ZNF646: variants seen among roughly 807,000 people sequenced by gnomAD.
The protein encoded by ZNF646 is zinc finger protein 646.
Under a neutral mutation model 115.4 loss-of-function variants are expected in ZNF646, and 49 were observed. The observed-to-expected ratio is 0.42, with a 90% CI of 0.34 to 0.54. The LOEUF is 0.54. ZNF646 is among the 20% of genes least tolerant of loss of function. The pLI is 0.04. For synonymous variants in ZNF646, 933 were observed against 939.0 expected (o/e 0.99, Z 0.12); for missense variants, 2,269 against 2,457.9 (o/e 0.92, Z 1.62).
In ZNF646 at chr16:31,083,650, GC is replaced by G; in HGVS notation, c.*559del. Reference sequence around the variant, plus strand: ...GGGGAGTGGGCACCTGTGGCCCCAGGCAGGTTCCTTCCCACAGCTGCTGGGC... The same window carrying G: ...GGGGAGTGGGCACCTGTGGCCCCAGGAGGTTCCTTCCCACAGCTGCTGGGC... On this transcript the variant is annotated 3_prime_UTR_variant, in exon 3 of 3. Transcript: ENST00000300850. 6.5e-7 allele frequency: 1 copy of G among 1,539,640 alleles called. No homozygotes were observed. The highest frequency in any genetic ancestry group is 8.8e-7 in the Non-Finnish European group (1 of 1,141,336).
Position 31,076,398 on chromosome 16 carries a change from G to C in ZNF646, c.74G>C (p.Arg25Pro). The C allele has an allele frequency of 6.2e-7, 1 of 1,613,870 alleles. No homozygotes were observed. The highest frequency in any genetic ancestry group is 1.3e-5 in the African/African-American group (1 of 74,952). ...RHFPSLPELSRHRELLHPSPN... is the reference protein window; with the variant it reads ...RHFPSLPELSPHRELLHPSPN... Reference sequence around the variant, plus strand: ...TTTCCCAGCCTCCCAGAGCTCTCTCGGCACCGAGAACTGCTCCATCCATCT... The same window carrying C: ...TTTCCCAGCCTCCCAGAGCTCTCTCCGCACCGAGAACTGCTCCATCCATCT... The change falls in exon 2 of 3, where the codon CGG becomes CCG. Residue 25 changes from arginine to proline, a missense_variant. Physicochemically the swap from Arg to Pro is moderately radical, Grantham distance 103 (BLOSUM62 -2). Transcript: ENST00000300850.
rs2057132797 is a variant in ZNF646, at chr16:31,079,978, C to T, written c.3654C>T (p.Leu1218=). 2 of 1,608,852 alleles carry T rather than the reference C, an allele frequency of 1.2e-6. No individual in the cohort carries two copies. Among genetic ancestry groups the T allele is most frequent in the African/African-American group, 1.3e-5 (1 of 74,844 alleles). The change falls in exon 2 of 3, where the codon CTC becomes CTT. Residue 1218 remains leucine, a synonymous_variant. Coordinates refer to ENST00000300850, the MANE Select transcript of ZNF646 (RefSeq NM_014699.4). The surrounding 1 kb of genome is among the most constrained non-coding windows in gnomAD (Gnocchi z 5.5). ...CGRSYKHAGS[L]INHRQSHQTG... is the part of the protein sequence containing the mutation. ...GATCCTACAAGCACGCCGGCAGCCT[C>T]ATCAACCACCGGCAGAGCCACCAGA... is the stretch of plus-strand genomic sequence containing the variant.
In ZNF646 at chr16:31,083,716, G is replaced by T. The variant is rs1158265675; in HGVS notation, c.*624G>T. On this transcript the variant is annotated 3_prime_UTR_variant, in exon 3 of 3. Coordinates refer to ENST00000300850, the MANE Select transcript of ZNF646 (RefSeq NM_014699.4). ...TGGTGCCTGGAATCACACATGACAG[G>T]GTGGGGAGGACAGGGGCAGTAATGC... 7 of 1,612,366 alleles carry T rather than the reference G, an allele frequency of 4.3e-6. No individual in the cohort carries two copies. The highest frequency in any genetic ancestry group is 1.3e-5 in the African/African-American group (1 of 74,914).
upstream of ZNF646, chr16:31,072,878 C>T (rs1257410679): frequency 1.3e-5 from 2 of 152,324 alleles, no homozygotes; most frequent in African/African-American, 4.8e-5. Context: ...ACGGGAAAGC[C>T]CCTTTACATC....
Position 31,080,403 on chromosome 16 carries a change from G to A in ZNF646, c.4079G>A (p.Arg1360Lys), listed in dbSNP as rs769050895. The A allele has an allele frequency of 6.2e-7, 1 of 1,613,162 alleles. No homozygotes were observed. Among genetic ancestry groups the A allele is most frequent in the Non-Finnish European group, 8.5e-7 (1 of 1,179,858 alleles). Reference sequence around the variant, plus strand: ...CGGCGGCGACGGGCTGGACGGTCCAGGCGCACAGCTGTGCGTTGCGCCCTC... The same window carrying A: ...CGGCGGCGACGGGCTGGACGGTCCAAGCGCACAGCTGTGCGTTGCGCCCTC... Reference protein sequence around the residue: ...ENRRRRAGRSRRTAVRCALCG... With the variant: ...ENRRRRAGRSKRTAVRCALCG... The change falls in exon 2 of 3, where the codon AGG (arginine) becomes AAG (lysine). Residue 1360 changes from arginine (R) to lysine (K), a missense_variant. Arg to Lys is a conservative substitution (Grantham distance 26). Transcript: ENST00000300850.
rs929380739 is a variant in ZNF646, at chr16:31,076,358, G to A, written c.34G>A (p.Asp12Asn). Residue 12 changes from aspartate (D) to asparagine (N), a missense_variant, in exon 2 of 3, where the codon GAC (aspartate) becomes AAC (asparagine). This residue lies in a region of ZNF646 where 334 missense variants were observed against 323.5 expected (regional missense o/e 1.03). Coordinates refer to ENST00000300850, the MANE Select transcript of ZNF646 (RefSeq NM_014699.4). Reference protein sequence around the residue: ...EDTPPSLSCSDCQRHFPSLPE... With the variant: ...EDTPPSLSCSNCQRHFPSLPE... Reference sequence around the variant, plus strand: ...CACACCCCCCTCACTCAGCTGCTCCGACTGTCAGCGCCACTTTCCCAGCCT... The same window carrying A: ...CACACCCCCCTCACTCAGCTGCTCCAACTGTCAGCGCCACTTTCCCAGCCT... The A allele has an allele frequency of 1.4e-5, 22 of 1,612,902 alleles. No homozygotes were observed. Among genetic ancestry groups the A allele is most frequent in the Admixed American group, 1.7e-5 (1 of 59,896 alleles).
chr16:31,078,774 C>T lies in ZNF646; in HGVS notation c.2450C>T (p.Ala817Val), dbSNP rs1200391371. The change falls in exon 2 of 3, where the codon GCT (alanine) becomes GTT (valine). Residue 817 changes from alanine (A) to valine (V), a missense_variant. Coordinates refer to ENST00000300850, the MANE Select transcript of ZNF646 (RefSeq NM_014699.4). ...HSANAVTGWQ[A>V]GAAHTCSDCG... ...GCCAATGCTGTCACTGGCTGGCAGG[C>T]TGGGGCCGCTCACACATGCTCTGAC... is the stretch of plus-strand genomic sequence containing the variant. The T allele has an allele frequency of 6.2e-7, 1 of 1,613,806 alleles. No homozygotes were observed. Among genetic ancestry groups the T allele is most frequent in the Admixed American group, 1.7e-5 (1 of 60,024 alleles).
chr16:31,082,584 T>G (rs1596781497), intron 2 of ZNF646: 3 of 240,250 alleles, frequency 1.2e-5, no homozygotes, highest in South Asian at 6.4e-5. Context: ...TGCCAGGGAG[T>G]GGGGCGGCCG....
chr16:31,075,328 C>T (rs768581393), intron 1 of ZNF646, among the ~76,000 whole-genome samples: 4 of 152,222 alleles, frequency 2.6e-5, no homozygotes, highest in Middle Eastern at 6.8e-3. Context: ...GATGGAGTCT[C>T]GCTCTGTCAC....
intron 1 of ZNF646, chr16:31,075,798 A>C (rs924376373): frequency 6.6e-5 from 10 of 152,550 alleles, no homozygotes; most frequent in African/African-American, 1.9e-4. Flanking sequence ...TGTTTAGCTG[A>C]GAGATGAAGT....
At position 31,076,436 on chromosome 16, in the gene ZNF646, A is replaced by G. The variant is rs1043699461; in HGVS notation, c.112A>G (p.Ser38Gly). The G allele has an allele frequency of 1.2e-6, 2 of 1,613,656 alleles. No individual in the cohort carries two copies. The highest frequency in any genetic ancestry group is 3.3e-5 in the Admixed American group (2 of 59,948). Residue 38 changes from serine to glycine, a missense_variant, in exon 2 of 3, where the codon AGT (serine) becomes GGT (glycine). Coordinates refer to ENST00000300850, the MANE Select transcript of ZNF646 (RefSeq NM_014699.4). Reference sequence around the variant, plus strand: ...GCTCCATCCATCTCCCAACCAGGACAGTGAGGAGGCTGACAGCATCCCTCG... The same window carrying G: ...GCTCCATCCATCTCCCAACCAGGACGGTGAGGAGGCTGACAGCATCCCTCG... ...ELLHPSPNQD[S>G]EEADSIPRPY...
Position 31,080,824 on chromosome 16 carries a change from T to C in ZNF646, c.4500T>C (p.Ala1500=). 1 of 1,614,106 alleles carries C rather than the reference T, an allele frequency of 6.2e-7. No homozygotes were observed. The highest frequency in any genetic ancestry group is 1.1e-5 in the South Asian group (1 of 91,088). The change falls in exon 2 of 3, where the codon GCT becomes GCC. Residue 1500 remains alanine (A), a synonymous_variant. Coordinates refer to ENST00000300850, the MANE Select transcript of ZNF646 (RefSeq NM_014699.4). ...GTGTCCACAGGAGTCCTTGCCACGC[T>C]GGTGACTGCCAGCTCAATGGACCTA... ...EDSVHRSPCH[A]GDCQLNGPTL...
In ZNF646 at chr16:31,077,861, G is replaced by T; in HGVS notation, c.1537G>T (p.Val513Leu). 1 of 1,613,796 alleles carries T rather than the reference G, an allele frequency of 6.2e-7. No homozygotes were observed. The highest frequency in any genetic ancestry group is 1.1e-5 in the South Asian group (1 of 91,074). The stretch of plus-strand genomic sequence containing the variant: ...CATGGCCCTGCGCAACCACGTGCGG[G>T]TACATTGCAAGGCTGCTCGCCGAAG... Reference protein sequence around the residue: ...NLMALRNHVRVHCKAARRSAD... With the variant: ...NLMALRNHVRLHCKAARRSAD... The change falls in exon 2 of 3, where the codon GTA becomes TTA. Residue 513 changes from valine to leucine, a missense_variant. Physicochemically the swap from Val to Leu is conservative, Grantham distance 32 (BLOSUM62 1). Around this residue, in one of 5 missense-constraint regions of ZNF646, gnomAD observed 852 missense variants for 900.2 expected, o/e 0.95. Transcript: ENST00000300850.
Position 31,081,494 on chromosome 16 carries a change from A to G in ZNF646, c.5170A>G (p.Arg1724Gly), listed in dbSNP as rs760182846. The G allele has an allele frequency of 2.5e-6, 4 of 1,614,210 alleles. No individual in the cohort carries two copies. The highest frequency in any genetic ancestry group is 3.4e-6 in the Non-Finnish European group (4 of 1,180,038). Residue 1724 changes from arginine to glycine, a missense_variant, in exon 2 of 3, where the codon AGG becomes GGG. Arg to Gly is a moderately radical substitution (Grantham distance 125). This residue lies in a region of ZNF646 where 1,062 missense variants were observed against 1,172.8 expected (regional missense o/e 0.91). Transcript: ENST00000300850. Reference protein sequence around the residue: ...PNLLSLKNHSRTHTDPKRHCC... With the variant: ...PNLLSLKNHSGTHTDPKRHCC... ...CCTGCTGTCTCTTAAGAACCACAGC[A>G]GGACCCACACGGACCCCAAGCGCCA...
In ZNF646 at chr16:31,076,986, T is replaced by C. The variant is rs2057085776; in HGVS notation, c.662T>C (p.Phe221Ser). ...EQYLAESVVN[F>S]TGGQEPTQSP... ...TATCTGGCTGAATCAGTAGTGAACT[T>C]CACAGGGGGCCAGGAGCCCACCCAG... Residue 221 changes from phenylalanine to serine, a missense_variant, in exon 2 of 3, where the codon TTC (phenylalanine) becomes TCC (serine). Physicochemically the swap from Phe to Ser is radical, Grantham distance 155 (BLOSUM62 -2). Transcript: ENST00000300850. 6.2e-7 allele frequency: 1 copy of C among 1,614,030 alleles called. No individual in the cohort carries two copies. Among genetic ancestry groups the C allele is most frequent in the Non-Finnish European group, 8.5e-7 (1 of 1,179,950 alleles).
rs1219869661 is a variant in ZNF646, at chr16:31,081,481, T to G, written c.5157T>G (p.Leu1719=). Reference sequence around the variant, plus strand: ...AACTTCTCCCTAACCTGCTGTCTCTTAAGAACCACAGCAGGACCCACACGG... The same window carrying G: ...AACTTCTCCCTAACCTGCTGTCTCTGAAGAACCACAGCAGGACCCACACGG... ...CPKLLPNLLS[L]KNHSRTHTDP... Residue 1719 remains leucine (L), a synonymous_variant, in exon 2 of 3, where the codon CTT becomes CTG. Transcript: ENST00000300850. 6.2e-7 allele frequency: 1 copy of G among 1,614,024 alleles called. No homozygotes were observed. The highest frequency in any genetic ancestry group is 1.3e-5 in the African/African-American group (1 of 74,920).
At chr16:31,074,149 T>A (rs2303222), upstream of ZNF646, 1 of 152,100 alleles carries the variant, frequency 6.6e-6, no homozygotes, top group African/African-American at 2.4e-5. Flanking sequence ...ACCAAAGTAC[T>A]GTGGCCAGGG....
chr16:31,083,945 A>G lies in ZNF646; in HGVS notation c.*853A>G. ...AGAATACTGAGGCTCAAAGCGGTTG[A>G]GCAGCCTGCTCCAAGTCACACGATG... On this transcript the variant is annotated 3_prime_UTR_variant, in exon 3 of 3. Transcript: ENST00000300850. 2 of 1,498,510 alleles carry G rather than the reference A, an allele frequency of 1.3e-6. No individual in the cohort carries two copies. The highest frequency in any genetic ancestry group is 1.3e-5 in the South Asian group (1 of 78,076). The allele number at this position is 1,498,510 out of a possible 1,614,324, so 92.8% of individuals were successfully genotyped here.
At position 31,076,397 on chromosome 16, in the gene ZNF646, C is replaced by T. The variant is rs531331358; in HGVS notation, c.73C>T (p.Arg25Trp). The T allele has an allele frequency of 1.1e-5, 17 of 1,613,938 alleles. No individual in the cohort carries two copies. The highest frequency in any genetic ancestry group is 5.5e-5 in the South Asian group (5 of 91,084). ...RHFPSLPELS[R>W]HRELLHPSPN... ...CTTTCCCAGCCTCCCAGAGCTCTCT[C>T]GGCACCGAGAACTGCTCCATCCATC... The change falls in exon 2 of 3, where the codon CGG becomes TGG. Residue 25 changes from arginine to tryptophan, a missense_variant. Arg to Trp is a moderately radical substitution (Grantham distance 101, BLOSUM62 -3). Transcript: ENST00000300850.
Sources: allele counts gnomAD v4.1 joint callset (sites outside exome capture counted in the v4.1 genomes callset), GRCh38; gene constraint gnomAD v4.1.1; regional missense constraint gnomAD v4.1.1; non-coding constraint Gnocchi (gnomAD v3.1); transcripts MANE v1.5; gene names NCBI Gene and HGNC (gene_info 2026-07-23, HGNC 2026-07-21).